The following SOBP variants were observed in gnomAD, a reference collection of about 807,000 sequenced individuals.
SOBP encodes sine oculis binding protein homolog, also known as sine oculis-binding protein homolog.
Under a neutral mutation model 53.6 loss-of-function variants are expected in SOBP, and 4 were observed. The ratio of observed to expected loss-of-function variants is 0.07; its 90% CI spans 0.04 to 0.17. The LOEUF (loss-of-function observed/expected upper bound fraction) is 0.17. Ranked by LOEUF, SOBP falls within the 10% of genes least tolerant of loss-of-function variation. The pLI is 1.00. For synonymous variants in SOBP, 584 were observed against 522.6 expected (o/e 1.12, Z -1.60); for missense variants, 1,088 against 1,204.7 (o/e 0.90, Z 1.43).
chr6:107,555,731 C>A (rs1459278590), intron 4 of SOBP, among the ~76,000 whole-genome samples: 1 of 152,208 alleles, frequency 6.6e-6, no homozygotes, highest in East Asian at 1.9e-4. Flanking sequence ...ATTAAAATAA[C>A]CCAGGGCATC....
At chr6:107,528,714 T>C (rs1302661564) in intron 3 of SOBP, among the ~76,000 whole-genome samples, 1 of 152,234 alleles carries the variant, frequency 6.6e-6, no homozygotes, top group African/African-American at 2.4e-5. Context: ...CAATGTGCTG[T>C]GTAAGTTGCA....
In SOBP at chr6:107,513,752, A is replaced by G. The variant is rs148526365; in HGVS notation, c.421+7325A>G. Among the ~76,000 whole-genome samples, 1,038 of 151,612 alleles carry G rather than the reference A, an allele frequency of 6.8e-3. 6 individuals are homozygous for G. Among genetic ancestry groups the G allele is most frequent in the African/African-American group, 0.024 (992 of 41,466 alleles). On this transcript the variant is annotated intron_variant, in intron 3 of 6. Transcript: ENST00000317357. ...AAAAAAAAAAAAAAGAAAGAAAAAGAGGTTCACTGAACCCTCAGTTTTCCC... is the reference window on the plus strand; with the variant it reads ...AAAAAAAAAAAAAAGAAAGAAAAAGGGGTTCACTGAACCCTCAGTTTTCCC...
chr6:107,620,224 C>T (rs1254069298), intron 5 of SOBP, among the ~76,000 whole-genome samples: 1 of 152,158 alleles, frequency 6.6e-6, no homozygotes, highest in African/African-American at 2.4e-5. Context: ...TAAAGATTTG[C>T]AGTTCCCTGC....
chr6:107,596,613 G>A (rs1252119652), intron 5 of SOBP, among the ~76,000 whole-genome samples: 1 of 152,168 alleles, frequency 6.6e-6, no homozygotes, highest in East Asian at 1.9e-4. Context: ...GATAAGCTGA[G>A]TTTAAAATAA....
chr6:107,520,276 T>A (rs1235349252), intron 3 of SOBP, among the ~76,000 whole-genome samples: 1 of 152,230 alleles, frequency 6.6e-6, no homozygotes, highest in East Asian at 1.9e-4. Flanking sequence ...CTCCTTTAAA[T>A]GGATTGTGTT....
chr6:107,639,726 A>G (rs1433822777), intron 6 of SOBP, among the ~76,000 whole-genome samples: 1 of 152,190 alleles, frequency 6.6e-6, no homozygotes, highest in Non-Finnish European at 1.5e-5. Context: ...ACACTTGTTT[A>G]TGGTACATTG....
rs560734293 is a variant in SOBP, at chr6:107,521,229, C to T, written c.422-12230C>T. Among the ~76,000 whole-genome samples the T allele has an allele frequency of 3.7e-4, 56 of 149,570 alleles. No homozygotes were observed. In the South Asian group the frequency reaches 0.012, roughly 33 times the overall value. ...TCTCCACTTTACACCATATCAAATG[C>T]AGCTCTCAAGTAGACCACAGAGGGG... On this transcript the variant is annotated intron_variant, in intron 3 of 6. Coordinates refer to ENST00000317357, the MANE Select transcript of SOBP (RefSeq NM_018013.4).
chr6:107,528,865 G>A (rs997277623), intron 3 of SOBP, among the ~76,000 whole-genome samples: 3 of 152,216 alleles, frequency 2.0e-5, no homozygotes, highest in Non-Finnish European at 4.4e-5. Flanking sequence ...CTGGTCCTCA[G>A]TAAGGCTCTG....
chr6:107,621,399 CAAAGACAGA>C (rs1294014746), intron 5 of SOBP, among the ~76,000 whole-genome samples: 1 of 152,144 alleles, frequency 6.6e-6, no homozygotes, highest in Non-Finnish European at 1.5e-5. Flanking sequence ...ATTCACAGAA[CAAAGACAGA>C]AAAGAACTAG....
At chr6:107,622,431 A>G (rs979320106) in intron 5 of SOBP, among the ~76,000 whole-genome samples, 5 of 152,266 alleles carry the variant, frequency 3.3e-5, no homozygotes, top group Non-Finnish European at 7.3e-5. Flanking sequence ...AGCTGGGATG[A>G]TACAAGAAGA....
At chr6:107,593,631 A>G (rs1785839562) in intron 5 of SOBP, among the ~76,000 whole-genome samples, 1 of 152,202 alleles carries the variant, frequency 6.6e-6, no homozygotes, top group African/African-American at 2.4e-5. Context: ...GAATAAATAC[A>G]GCACCTGCCT....
Position 107,661,030 on chromosome 6 carries a change from G to T in SOBP, c.*2827G>T, listed in dbSNP as rs1321580236. On this transcript the variant is annotated 3_prime_UTR_variant, in exon 7 of 7. Transcript: ENST00000317357. ...GTGCCAGCGGCCGAGGCACCCGGCT[G>T]TGGTTGTCCTGATAGCATTATTCAT... Among the ~76,000 whole-genome samples, 1 of 152,230 alleles carries T rather than the reference G, an allele frequency of 6.6e-6. No individual in the cohort carries two copies. The highest frequency in any genetic ancestry group is 1.5e-5 in the Non-Finnish European group (1 of 68,044).
intron 4 of SOBP, among the ~76,000 whole-genome samples, chr6:107,547,691 A>T (rs917410752): frequency 6.6e-6 from 1 of 152,242 alleles, no homozygotes; most frequent in Non-Finnish European, 1.5e-5. Flanking sequence ...GCAGTTGGCC[A>T]CAATGGGGAA....
At chr6:107,516,058 T>C (rs1004157799) in intron 3 of SOBP, among the ~76,000 whole-genome samples, 1 of 152,152 alleles carries the variant, frequency 6.6e-6, no homozygotes, top group Non-Finnish European at 1.5e-5. Context: ...AGGAATAGAA[T>C]AGAACTTCCT....
chr6:107,506,306 A>G lies in SOBP; in HGVS notation c.300A>G (p.Thr100=). The change falls in exon 3 of 7, where the codon ACA becomes ACG. Residue 100 remains threonine, a synonymous_variant. Coordinates refer to ENST00000317357, the MANE Select transcript of SOBP (RefSeq NM_018013.4). ...TTATTTCACCATACAATATAAGCACAGGCTATTCAGGGCTTGCCACTGGAA... is the reference window on the plus strand; with the variant it reads ...TTATTTCACCATACAATATAAGCACGGGCTATTCAGGGCTTGCCACTGGAA... The part of the protein sequence containing the change: ...DSVISPYNIS[T]GYSGLATGNG... 6.2e-7 allele frequency: 1 copy of G among 1,614,240 alleles called. No individual in the cohort carries two copies. Among genetic ancestry groups the G allele is most frequent in the South Asian group, 1.1e-5 (1 of 91,088 alleles).
intron 4 of SOBP, among the ~76,000 whole-genome samples, chr6:107,583,667 AGGT>A (rs977260782): frequency 6.6e-6 from 1 of 152,130 alleles, no homozygotes; most frequent in Non-Finnish European, 1.5e-5. Context: ...CTAGGACTAC[AGGT>A]GCATGCCACC....
intron 4 of SOBP, among the ~76,000 whole-genome samples, chr6:107,568,458 A>G (rs1784978039): frequency 1.3e-5 from 2 of 152,148 alleles, no homozygotes; most frequent in Non-Finnish European, 2.9e-5. Context: ...AACTCCCATC[A>G]CTCCAAACTT....
Position 107,634,637 on chromosome 6 carries a change from C to A in SOBP, c.1793C>A (p.Pro598His). The part of the protein sequence containing the change: ...KQGSSKSADS[P>H]PGCSGQALSL... ...GGCTCGTCCAAGTCCGCGGACTCGC[C>A]CCCCGGCTGCTCGGGCCAGGCCCTG... The change falls in exon 6 of 7, where the codon CCC becomes CAC. Residue 598 changes from proline to histidine, a missense_variant. Around this residue, in one of 6 missense-constraint regions of SOBP, gnomAD observed 665 missense variants for 629.7 expected, o/e 1.06. Transcript: ENST00000317357. The surrounding 1 kb of genome is among the most constrained non-coding windows in gnomAD (Gnocchi z 4.5). The A allele has an allele frequency of 6.3e-7, 1 of 1,576,606 alleles. No homozygotes were observed. The highest frequency in any genetic ancestry group is 8.6e-7 in the Non-Finnish European group (1 of 1,167,722).
chr6:107,634,587 C>T lies in SOBP; in HGVS notation c.1743C>T (p.Ser581=), dbSNP rs1770902792. 1 of 1,603,252 alleles carries T rather than the reference C, an allele frequency of 6.2e-7. No homozygotes were observed. The highest frequency in any genetic ancestry group is 8.5e-7 in the Non-Finnish European group (1 of 1,179,486). Residue 581 remains serine, a synonymous_variant, in exon 6 of 7, where the codon TCC becomes TCT. Transcript: ENST00000317357. The surrounding 1 kb of genome is among the most constrained non-coding windows in gnomAD (Gnocchi z 4.5). ...CGGGCGGCAAGCCAAGCGGACACTC[C>T]CTGTCCCCCCGGGACTCCAAGCAGG... is the stretch of plus-strand genomic sequence containing the variant. The part of the protein sequence containing the change: ...AAAGGKPSGH[S]LSPRDSKQGS...
Sources: gnomAD v4.1 joint callset for allele counts (sites outside exome capture counted in the v4.1 genomes callset) on GRCh38, gnomAD v4.1.1 for gene constraint, gnomAD v4.1.1 regional missense constraint, Gnocchi (gnomAD v3.1) non-coding constraint, MANE v1.5 for transcripts, NCBI Gene and HGNC (gene_info 2026-07-23, HGNC 2026-07-21) for gene names.